The following MGST1 variants were observed in gnomAD, a reference collection of about 807,000 sequenced individuals.
MGST1 encodes the protein microsomal glutathione S-transferase 1.
MGST1 carries 5 observed loss-of-function variants against 8.9 expected under a neutral mutation model. The observed-to-expected ratio is 0.56, with a 90% CI of 0.29 to 1.19. The LOEUF (loss-of-function observed/expected upper bound fraction) is 1.19, where lower values mean the gene tolerates loss of function less well. Among genes scored for constraint, MGST1 ranks in the 50% most tolerant of loss-of-function variants. The probability of loss-of-function intolerance (pLI) is 0.08; values close to 1 mark genes in which losing one functional copy is unlikely to be tolerated. For missense variants in MGST1, 182 were observed against 187.4 expected, an observed-to-expected ratio of 0.97 and a Z score of 0.17; for synonymous variants, 54 against 67.8, an observed-to-expected ratio of 0.80 and a Z score of 1.00.
downstream of MGST1, among the ~76,000 whole-genome samples, chr12:16,590,431 T>G (rs149801496): frequency 1.4e-3 from 215 of 152,214 alleles, no homozygotes; most frequent in African/African-American, 5.0e-3. Context: ...GCAAATATAT[T>G]ATTTTACATG....
chr12:16,496,652 C>T (rs2137162410), intron 4 of MGST1, among the ~76,000 whole-genome samples: 1 of 152,154 alleles, frequency 6.6e-6, no homozygotes, highest in Middle Eastern at 3.4e-3. Context: ...TCTAGTAGTT[C>T]CCCATGTCTA....
chr12:16,588,339 T>C (rs1320888001), intron 4 of MGST1, among the ~76,000 whole-genome samples: 1 of 152,058 alleles, frequency 6.6e-6, no homozygotes, highest in Admixed American at 6.6e-5. Context: ...TGAAAAATAA[T>C]GTGAGTAAAA....
chr12:16,414,728 T>A (rs1320904112), intron 1 of MGST1, among the ~76,000 whole-genome samples: 9 of 152,132 alleles, frequency 5.9e-5, no homozygotes, highest in Non-Finnish European at 1.2e-4. Flanking sequence ...GTGGTTATTT[T>A]AAAAATATTT....
At chr12:16,577,225 C>T (rs924759293) in intron 4 of MGST1, among the ~76,000 whole-genome samples, 2 of 152,160 alleles carry the variant, frequency 1.3e-5, no homozygotes, top group African/African-American at 4.8e-5. Flanking sequence ...CTTAGGCAGA[C>T]AGTCAGAAGG....
rs541048285 is a variant in MGST1, at chr12:16,349,193, T to C, written c.-23+1483T>C. The C allele has an allele frequency of 2.0e-5, 3 of 152,234 alleles. No individual in the cohort carries two copies. In the East Asian group the frequency reaches 5.8e-4, roughly 29 times the overall value. The allele number at this position is 152,234 out of a possible 1,614,324, so 9.4% of individuals were successfully genotyped here. On this transcript the variant is annotated intron_variant, in intron 1 of 3. Transcript: ENST00000396210. ...TTTTAGAAGGTACAAAATTGCAGAG[T>C]CATGGCCCTGGGGATGCGTGCCCAG...
chr12:16,554,583 A>C (rs924716061), intron 4 of MGST1, among the ~76,000 whole-genome samples: 3 of 152,226 alleles, frequency 2.0e-5, no homozygotes, highest in African/African-American at 7.2e-5. Flanking sequence ...TTAGTGTATC[A>C]AATGACACTA....
intron 4 of MGST1, among the ~76,000 whole-genome samples, chr12:16,515,522 C>T (rs1002461149): frequency 1.3e-5 from 2 of 150,950 alleles, no homozygotes; most frequent in East Asian, 2.0e-4. Flanking sequence ...CCCAGCTACT[C>T]GGGAGGCTGA....
At chr12:16,473,804 C>A (rs1337688490) in intron 4 of MGST1, among the ~76,000 whole-genome samples, 1 of 152,036 alleles carries the variant, frequency 6.6e-6, no homozygotes, top group Non-Finnish European at 1.5e-5. Flanking sequence ...TGACTTGGGC[C>A]TGGGAGGTTG....
intron 4 of MGST1, among the ~76,000 whole-genome samples, chr12:16,556,247 A>C (rs1367086680): frequency 6.6e-6 from 1 of 152,198 alleles, no homozygotes; most frequent in Admixed American, 6.5e-5. Context: ...ATTCACCTTT[A>C]AGAAATTAAC....
At chr12:16,386,111 A>G (rs1940501671) in intron 1 of MGST1, among the ~76,000 whole-genome samples, 1 of 152,086 alleles carries the variant, frequency 6.6e-6, no homozygotes, top group African/African-American at 2.4e-5. Context: ...AGGCAGTGAC[A>G]AATTTGCTAG....
At chr12:16,494,749 G>A (rs1941459395) in intron 4 of MGST1, among the ~76,000 whole-genome samples, 1 of 152,030 alleles carries the variant, frequency 6.6e-6, no homozygotes, top group Non-Finnish European at 1.5e-5. Context: ...AAAATTCCAT[G>A]GGTACATATC....
At chr12:16,481,077 A>G (rs941627698) in intron 4 of MGST1, among the ~76,000 whole-genome samples, 1 of 152,214 alleles carries the variant, frequency 6.6e-6, no homozygotes, top group Non-Finnish European at 1.5e-5. Context: ...ACAAAGAAAA[A>G]AAATCAACTG....
rs558083535 is a variant in MGST1 at position 16,489,134 on chromosome 12, A to ATAAAT, written n.483-100394_483-100393insTAAAT. Among the ~76,000 whole-genome samples, 140 of 152,188 alleles carry ATAAAT rather than the reference A, an allele frequency of 9.2e-4. No individual in the cohort carries two copies. The Middle Eastern group carries it at 0.01, about 11-fold the overall frequency. ...TCAAAATAAATAAATAAATAAATAAAAAATAAATAGGTAAATACTTATTGA... is the reference window on the plus strand; with the variant it reads ...TCAAAATAAATAAATAAATAAATAAATAAATAAATAAATAGGTAAATACTTATTGA... On this transcript the variant is annotated intron_variant and non_coding_transcript_variant, in intron 4 of 4. Coordinates refer to the MGST1 transcript ENST00000538857.
At chr12:16,494,494 C>G (rs936523692) in intron 4 of MGST1, among the ~76,000 whole-genome samples, 1 of 152,122 alleles carries the variant, frequency 6.6e-6, no homozygotes, top group Non-Finnish European at 1.5e-5. Flanking sequence ...GACTAACAAA[C>G]AGAAATATGT....
At chr12:16,372,327 CA>C (rs1346149890) in intron 3 of MGST1, among the ~76,000 whole-genome samples, 1 of 151,944 alleles carries the variant, frequency 6.6e-6, no homozygotes, top group African/African-American at 2.4e-5. Context: ...TCAAATAACT[CA>C]ATAGCCAAAA....
At chr12:16,504,002 G>A (rs955800737) in intron 4 of MGST1, among the ~76,000 whole-genome samples, 6 of 152,056 alleles carry the variant, frequency 3.9e-5, no homozygotes, top group South Asian at 2.1e-4. Flanking sequence ...TAACACTTCC[G>A]GCTCACCCTT....
At chr12:16,532,011 A>C (rs1349731140) in intron 4 of MGST1, among the ~76,000 whole-genome samples, 1 of 152,132 alleles carries the variant, frequency 6.6e-6, no homozygotes, top group African/African-American at 2.4e-5. Context: ...GTGTCTGTCA[A>C]TGAGTCTAGG....
chr12:16,446,482 A>AAG (rs1247190142), intron 4 of MGST1, among the ~76,000 whole-genome samples: 1 of 151,822 alleles, frequency 6.6e-6, no homozygotes, highest in East Asian at 1.9e-4. Flanking sequence ...TATATAATTT[A>AAG]AGAGATATGT....
intron 3 of MGST1, among the ~76,000 whole-genome samples, chr12:16,358,586 C>T (rs1474528286): frequency 1.3e-5 from 2 of 151,880 alleles, no homozygotes; most frequent in African/African-American, 4.8e-5. Context: ...CCTGCCTCAG[C>T]CTCCTGAGTA....
Sources: allele counts gnomAD v4.1 joint callset (sites outside exome capture counted in the v4.1 genomes callset), GRCh38; gene constraint gnomAD v4.1.1; transcripts MANE v1.5; gene names NCBI Gene and HGNC (gene_info 2026-07-23, HGNC 2026-07-21).